Variants in TRPC5 observed in about 807,000 individuals in gnomAD.
TRPC5 encodes transient receptor potential cation channel subfamily C member 5, also known as short transient receptor potential channel 5.
TRPC5 carries 9 observed loss-of-function variants against 56.5 expected under a neutral mutation model. That is an observed-to-expected ratio of 0.16 (90% confidence interval 0.10 to 0.28). The LOEUF (loss-of-function observed/expected upper bound fraction) is 0.28. Among genes scored for constraint, TRPC5 ranks in the 10% least tolerant of loss-of-function variants. The probability of loss-of-function intolerance (pLI) is 1.00; values close to 1 mark genes in which losing one functional copy is unlikely to be tolerated. For missense variants in TRPC5, 469 were observed against 748.9 expected (o/e 0.63, Z 4.36); for synonymous variants, 282 against 278.5 (o/e 1.01, Z -0.13).
chrX:111,789,436 A>G (rs750383136), intron 7 of TRPC5, among the ~76,000 whole-genome samples: 22 of 112,425 alleles, frequency 2.0e-4, no homozygotes, highest in African/African-American at 5.8e-4. Context: ...AAAGACTTAA[A>G]CGTTATACCT....
chrX:111,822,136 CTG>C (rs767449645), intron 7 of TRPC5, among the ~76,000 whole-genome samples: 13 of 111,934 alleles, frequency 1.2e-4, no homozygotes, highest in African/African-American at 4.2e-4. Context: ...CTTTGCAAAA[CTG>C]TGATGATGGT....
At chrX:111,864,391 T>G (rs1430022817) in intron 3 of TRPC5, among the ~76,000 whole-genome samples, 2 of 112,674 alleles carry the variant, frequency 1.8e-5, no homozygotes, top group Non-Finnish European at 3.7e-5. Flanking sequence ...GCCTTCATAT[T>G]AAACAACTGT....
chrX:111,927,548 A>C, intron 2 of TRPC5, among the ~76,000 whole-genome samples: 1 of 111,434 alleles, frequency 9.0e-6, no homozygotes, highest in Non-Finnish European at 1.9e-5. Flanking sequence ...TAGAAGAGTC[A>C]ATCCATGGGA....
At chrX:112,069,170 A>T (rs574388489) in intron 1 of TRPC5, among the ~76,000 whole-genome samples, 13 of 112,041 alleles carry the variant, frequency 1.2e-4, no homozygotes, top group African/African-American at 3.9e-4. Flanking sequence ...CACTACTATT[A>T]TCCTTAGTTT....
chrX:112,077,373 G>A (rs1367784614), intron 1 of TRPC5, among the ~76,000 whole-genome samples: 1 of 112,381 alleles, frequency 8.9e-6, no homozygotes, highest in Non-Finnish European at 1.9e-5. Flanking sequence ...CACATGAATT[G>A]TCCCTACATG....
chrX:112,075,261 A>AT (rs1384408905), intron 1 of TRPC5, among the ~76,000 whole-genome samples: 1 of 112,203 alleles, frequency 8.9e-6, no homozygotes, highest in African/African-American at 3.2e-5. Flanking sequence ...AACAGGGAAA[A>AT]TTCAAGATTT....
At chrX:112,040,594 G>C (rs1025950758) in intron 1 of TRPC5, among the ~76,000 whole-genome samples, 1 of 111,372 alleles carries the variant, frequency 9.0e-6, no homozygotes, top group Non-Finnish European at 1.9e-5. Flanking sequence ...AGATAATAGG[G>C]AATTACTGAC....
chrX:111,903,877 CTAGTTAT>C (rs1408472289), intron 3 of TRPC5: 1 of 112,140 alleles, frequency 8.9e-6, no homozygotes, highest in Non-Finnish European at 1.9e-5. Flanking sequence ...ATGATTACTG[CTAGTTAT>C]TATCTTATGA....
At chrX:111,870,871 T>C (rs1923733419) in intron 3 of TRPC5, among the ~76,000 whole-genome samples, 1 of 111,726 alleles carries the variant, frequency 9.0e-6, no homozygotes. Context: ...TCATTTTTTT[T>C]CTTTCAAGAC....
intron 2 of TRPC5, among the ~76,000 whole-genome samples, chrX:111,943,829 A>G (rs1926847865): frequency 8.9e-6 from 1 of 111,861 alleles, no homozygotes; most frequent in African/African-American, 3.2e-5. Flanking sequence ...TAATCTTAGA[A>G]CTAAGTTGGC....
At chrX:111,931,342 C>T (rs12156708) in intron 2 of TRPC5, among the ~76,000 whole-genome samples, 66 of 112,288 alleles carry the variant, frequency 5.9e-4, no homozygotes, top group Non-Finnish European at 1.1e-3. Flanking sequence ...ATTTTTACAA[C>T]TTCAAGATAA....
chrX:111,801,165 G>A (rs1016040674), intron 7 of TRPC5, among the ~76,000 whole-genome samples: 1 of 111,864 alleles, frequency 8.9e-6, no homozygotes, highest in Non-Finnish European at 1.9e-5. Flanking sequence ...TCCCTTGTGT[G>A]TGTATTCTTA....
In TRPC5 at chrX:111,772,838, C is replaced by A. The variant is rs1203088450; in HGVS notation, c.*3475G>T. The stretch of plus-strand genomic sequence containing the variant: ...GGTCTGGGGCACTAAAACTATTAGT[C>A]AAAACACCACACGAGATTCACCCAT... On this transcript the variant is annotated 3_prime_UTR_variant, in exon 11 of 11. Coordinates refer to ENST00000262839, the MANE Select transcript of TRPC5 (RefSeq NM_012471.3). 9.0e-6 allele frequency among the ~76,000 whole-genome samples: 1 copy of A among 110,890 alleles called. No individual in the cohort carries two copies. The highest frequency in any genetic ancestry group is 1.9e-5 in the Non-Finnish European group (1 of 53,034).
chrX:111,947,846 G>A (rs111948492), intron 2 of TRPC5, among the ~76,000 whole-genome samples: 3,384 of 111,887 alleles, frequency 0.03, 144 homozygotes, highest in African/African-American at 0.1. Flanking sequence ...AGAAAGTCCT[G>A]CTCTCTTAGT....
chrX:111,988,269 G>C (rs1439005169), intron 1 of TRPC5, among the ~76,000 whole-genome samples: 1 of 111,347 alleles, frequency 9.0e-6, no homozygotes, highest in African/African-American at 3.3e-5. Context: ...TTTACTTACA[G>C]TCAGAGAACA....
chrX:111,918,888 G>C (rs1287839043), intron 2 of TRPC5, among the ~76,000 whole-genome samples: 1 of 111,093 alleles, frequency 9.0e-6, no homozygotes, highest in African/African-American at 3.3e-5. Context: ...TCAGTGGAGT[G>C]GGGAGGTCAA....
chrX:111,982,442 C>A (rs1260729022), intron 1 of TRPC5, among the ~76,000 whole-genome samples: 1 of 111,190 alleles, frequency 9.0e-6, no homozygotes, highest in Non-Finnish European at 1.9e-5. Flanking sequence ...GGTTCTGGGC[C>A]ATTAAGCATC....
At chrX:112,005,144 G>A (rs553342967) in intron 1 of TRPC5, among the ~76,000 whole-genome samples, 39 of 111,095 alleles carry the variant, frequency 3.5e-4, no homozygotes, top group African/African-American at 1.1e-3. Context: ...AAAAGAATGC[G>A]ATCATGTCCT....
At chrX:111,994,385 G>A (rs369083332) in intron 1 of TRPC5, among the ~76,000 whole-genome samples, 20 of 111,528 alleles carry the variant, frequency 1.8e-4, no homozygotes, top group South Asian at 1.1e-3. Flanking sequence ...TGGCAATGCG[G>A]GCTCTTTTTT....
Sources: allele counts gnomAD v4.1 joint callset (sites outside exome capture counted in the v4.1 genomes callset), GRCh38; gene constraint gnomAD v4.1.1; transcripts MANE v1.5; gene names NCBI Gene and HGNC (gene_info 2026-07-23, HGNC 2026-07-21).